TNFRSF13B: variants seen among roughly 807,000 people sequenced by gnomAD.
The protein encoded by TNFRSF13B is tumor necrosis factor receptor superfamily member 13B.
TNFRSF13B carries 34 observed loss-of-function variants against 24.0 expected under a neutral mutation model. That is an observed-to-expected ratio of 1.41 (90% CI 1.08 to 1.88). TNFRSF13B has a LOEUF of 1.88. Ranked by LOEUF, TNFRSF13B falls within the 40% of genes most tolerant of loss-of-function variation. The pLI is 0.00. For synonymous variants in TNFRSF13B, 173 were observed against 150.3 expected (o/e 1.15, Z -1.10); for missense variants, 415 against 380.8 (o/e 1.09, Z -0.75).
chr17:16,956,769 C>T (rs140281234), intron 1 of TNFRSF13B, among the ~76,000 whole-genome samples: 1 of 152,198 alleles, frequency 6.6e-6, no homozygotes, highest in Non-Finnish European at 1.5e-5. Context: ...GCTAAAAAGT[C>T]TACTGTATGA....
chr17:16,954,206 G>A (rs966104791), intron 1 of TNFRSF13B, among the ~76,000 whole-genome samples: 1 of 152,200 alleles, frequency 6.6e-6, no homozygotes, highest in African/African-American at 2.4e-5. Flanking sequence ...ATCAGCCTGA[G>A]AAACATAGTG....
intron 1 of TNFRSF13B, among the ~76,000 whole-genome samples, chr17:16,967,750 T>TTAAAAAAAAA (rs1567657162): frequency 1.5e-4 from 3 of 19,380 alleles, no homozygotes; most frequent in African/African-American, 8.0e-4. Flanking sequence ...AGACTCCGTC[T>TTAAAAAAAAA]CAAAAAAAAA....
chr17:16,940,707 C>T, intron 3 of TNFRSF13B, 196 bp from the exon 4 acceptor site: 1 of 1,452,814 alleles, frequency 6.9e-7, no homozygotes, highest in African/African-American at 1.4e-5. Flanking sequence ...CCCATCCTGG[C>T]AGCAACTTTC....
intron 3 of TNFRSF13B, among the ~76,000 whole-genome samples, chr17:16,941,717 G>A (rs545776204): frequency 7.1e-4 from 108 of 152,264 alleles, no homozygotes; most frequent in Non-Finnish European, 1.2e-3. Flanking sequence ...TCTAATTGGA[G>A]ACAATTTTTA....
At chr17:16,968,141 CA>C (rs1455676355) in intron 1 of TNFRSF13B, among the ~76,000 whole-genome samples, 51 of 31,712 alleles carry the variant, frequency 1.6e-3, no homozygotes, top group Non-Finnish European at 2.4e-3. Context: ...AACCCTGTCT[CA>C]AAAAAAAAAA....
chr17:16,959,011 C>T (rs1290863660), intron 1 of TNFRSF13B, among the ~76,000 whole-genome samples: 1 of 152,062 alleles, frequency 6.6e-6, no homozygotes, highest in Non-Finnish European at 1.5e-5. Context: ...GCAGAATACA[C>T]ATTCTTTTCA....
rs57012364 is a variant in TNFRSF13B, at chr17:16,957,749, A to T, written c.62-5166T>A. On this transcript the variant is annotated intron_variant, in intron 1 of 4. Transcript: ENST00000261652. ...AGCTGTCAACCAGGAATTGTATATA[A>T]TTTTAAATCACCTTTCAATAATGAA... Among the ~76,000 whole-genome samples the T allele has an allele frequency of 9.3e-3, 1,415 of 152,074 alleles. 25 individuals are homozygous for T. Among genetic ancestry groups the T allele is most frequent in the African/African-American group, 0.032 (1,323 of 41,326 alleles).
At chr17:16,950,060 T>C (rs2087578197) in intron 2 of TNFRSF13B, among the ~76,000 whole-genome samples, 1 of 152,146 alleles carries the variant, frequency 6.6e-6, no homozygotes, top group African/African-American at 2.4e-5. Flanking sequence ...TAGAGTAAGG[T>C]ATGGCTTTTG....
chr17:16,949,952 C>T (rs1243138401), intron 2 of TNFRSF13B, among the ~76,000 whole-genome samples: 1 of 152,180 alleles, frequency 6.6e-6, no homozygotes, highest in African/African-American at 2.4e-5. Context: ...TCCCAAAGTG[C>T]TGGGATTACA....
intron 3 of TNFRSF13B, among the ~76,000 whole-genome samples, chr17:16,944,037 T>C (rs1054385959): frequency 6.6e-6 from 1 of 152,206 alleles, no homozygotes; most frequent in Non-Finnish European, 1.5e-5. Flanking sequence ...CCAAGCGCCA[T>C]GTGTGAGCAG....
intron 1 of TNFRSF13B, among the ~76,000 whole-genome samples, chr17:16,967,161 G>A (rs564375657): frequency 1.0e-3 from 156 of 151,974 alleles, no homozygotes; most frequent in African/African-American, 3.7e-3. Context: ...ATTTGTAATA[G>A]CAGAAGATTA....
chr17:16,942,128 G>A (rs1421306580), intron 3 of TNFRSF13B, among the ~76,000 whole-genome samples: 1 of 152,200 alleles, frequency 6.6e-6, no homozygotes, highest in Non-Finnish European at 1.5e-5. Flanking sequence ...GAGAAGAATG[G>A]CTGGGTCACA....
intron 1 of TNFRSF13B, among the ~76,000 whole-genome samples, chr17:16,964,324 AC>A (rs2087684280): frequency 7.0e-6 from 1 of 143,326 alleles, no homozygotes; most frequent in Non-Finnish European, 1.5e-5. Flanking sequence ...TTGAGAGTCC[AC>A]CATCTCCATG....
intron 1 of TNFRSF13B, among the ~76,000 whole-genome samples, chr17:16,961,167 C>T (rs778736556): frequency 1.3e-5 from 2 of 152,196 alleles, no homozygotes; most frequent in Admixed American, 6.5e-5. Context: ...AACAGAGCAA[C>T]AGCTGTGGAA....
chr17:16,958,708 TACAAAAG>T (rs1359160631), intron 1 of TNFRSF13B, among the ~76,000 whole-genome samples: 1 of 151,906 alleles, frequency 6.6e-6, no homozygotes, highest in African/African-American at 2.4e-5. Flanking sequence ...ACAAAAAAAT[TACAAAAG>T]ACAAAGAAGG....
At chr17:16,949,551 C>G (rs748731040) in intron 2 of TNFRSF13B, among the ~76,000 whole-genome samples, 1 of 152,068 alleles carries the variant, frequency 6.6e-6, no homozygotes, top group Non-Finnish European at 1.5e-5. Flanking sequence ...GTATCAGTGC[C>G]AAGGCACAGA....
intron 1 of TNFRSF13B, among the ~76,000 whole-genome samples, chr17:16,968,377 G>C (rs996650020): frequency 1.3e-5 from 2 of 152,136 alleles, no homozygotes; most frequent in African/African-American, 4.8e-5. Flanking sequence ...TAAATCAACA[G>C]AATATAATTG....
chr17:16,950,252 A>G (rs2087579742), intron 2 of TNFRSF13B, among the ~76,000 whole-genome samples: 1 of 152,222 alleles, frequency 6.6e-6, no homozygotes, highest in South Asian at 2.1e-4. Flanking sequence ...ACTTGCAGGC[A>G]GTGTGGTCTT....
At chr17:16,968,317 T>C (rs992025384) in intron 1 of TNFRSF13B, among the ~76,000 whole-genome samples, 1 of 152,196 alleles carries the variant, frequency 6.6e-6, no homozygotes, top group Admixed American at 6.5e-5. Flanking sequence ...TCAAAACTTA[T>C]TGCAAGGCAA....
Sources: allele counts gnomAD v4.1 joint callset (sites outside exome capture counted in the v4.1 genomes callset), GRCh38; gene constraint gnomAD v4.1.1; transcripts MANE v1.5; gene names NCBI Gene and HGNC (gene_info 2026-07-23, HGNC 2026-07-21).